CCDC144A: variants seen among roughly 807,000 people sequenced by gnomAD.
CCDC144A encodes the protein coiled-coil domain containing 144A, also known as coiled-coil domain-containing protein 144A.
Under a neutral mutation model 143.8 loss-of-function variants are expected in CCDC144A, and 41 were observed. The observed-to-expected ratio is 0.29, with a 90% CI of 0.22 to 0.37. The LOEUF is 0.37. Ranked by LOEUF, CCDC144A falls within the 10% of genes least tolerant of loss-of-function variation. The pLI is 1.00. For synonymous variants in CCDC144A, 242 were observed against 517.9 expected (o/e 0.47, Z 7.23); for missense variants, 637 against 1,488.8 (o/e 0.43, Z 9.41).
At chr17:16,704,096 G>A (rs139211360) in intron 2 of CCDC144A, among the ~76,000 whole-genome samples, 1,644 of 152,224 alleles carry the variant, frequency 0.011, 38 homozygotes, top group African/African-American at 0.038. Context: ...ACCCTTTATG[G>A]TGAAATGGAC....
At chr17:16,751,644 G>A (rs1274804206) in intron 12 of CCDC144A, among the ~76,000 whole-genome samples, 2 of 152,232 alleles carry the variant, frequency 1.3e-5, no homozygotes, top group African/African-American at 2.4e-5. Context: ...TTAGGTTGCC[G>A]AGAGACCTAC....
At chr17:16,672,181 G>A in the CCDC144A span, among the ~76,000 whole-genome samples, 1 of 152,094 alleles carries the variant, frequency 6.6e-6, no homozygotes, top group Non-Finnish European at 1.5e-5. Flanking sequence ...CAAATTGGAA[G>A]TAAAATATGT....
intron 12 of CCDC144A, among the ~76,000 whole-genome samples, chr17:16,751,867 C>T (rs71373604): frequency 1.3e-5 from 2 of 152,240 alleles, no homozygotes; most frequent in Non-Finnish European, 2.9e-5. Context: ...GCACTTAGCT[C>T]GCACTCACCC....
chr17:16,679,239 T>C, the CCDC144A span, among the ~76,000 whole-genome samples: 3 of 152,066 alleles, frequency 2.0e-5, no homozygotes, highest in Non-Finnish European at 4.4e-5. Context: ...TTTTGCAATA[T>C]AAAAATGGCC....
At chr17:16,703,327 C>T (rs1283742527) in intron 2 of CCDC144A, among the ~76,000 whole-genome samples, 1 of 151,510 alleles carries the variant, frequency 6.6e-6, no homozygotes, top group Non-Finnish European at 1.5e-5. Context: ...TTTTTGAGGT[C>T]AGTCCTTATT....
intron 11 of CCDC144A, among the ~76,000 whole-genome samples, chr17:16,734,295 C>T (rs1160980759): frequency 6.6e-6 from 1 of 152,030 alleles, no homozygotes; most frequent in Non-Finnish European, 1.5e-5. Context: ...GGAACATTTC[C>T]TCTGTCCAGA....
chr17:16,683,898 G>C, the CCDC144A span: 2 of 1,344,130 alleles, frequency 1.5e-6, no homozygotes, highest in Non-Finnish European at 2.1e-6. Flanking sequence ...GATGGCTGCT[G>C]CTCCAGTAAT....
At chr17:16,757,011 G>A (rs1442007554) in intron 12 of CCDC144A, among the ~76,000 whole-genome samples, 2 of 152,264 alleles carry the variant, frequency 1.3e-5, no homozygotes, top group African/African-American at 4.8e-5. Flanking sequence ...CACATTGATG[G>A]CATACACAAG....
chr17:16,711,135 T>TAAAAAAAAAAAAAAA (rs1912384837), intron 5 of CCDC144A, among the ~76,000 whole-genome samples: 1 of 10,088 alleles, frequency 9.9e-5, no homozygotes, highest in African/African-American at 7.2e-4. Flanking sequence ...AGGATTCAAA[T>TAAAAAAAAAAAAAAA]GAAAAAAAAA....
At chr17:16,690,077 C>T (rs1306168971), upstream of CCDC144A, 1 of 207,306 alleles carries the variant, frequency 4.8e-6, no homozygotes, top group African/African-American at 2.3e-5. Context: ...CACCTGCAGG[C>T]CAAGGAGTCT....
chr17:16,763,939 G>A (rs1173389963), intron 14 of CCDC144A, 26 bp from the exon 15 acceptor site: 4 of 1,593,004 alleles, frequency 2.5e-6, no homozygotes, highest in South Asian at 1.1e-5. Flanking sequence ...GAAATACTAA[G>A]CATTTGTCTT....
In CCDC144A at chr17:16,734,961, C is replaced by G. The variant is rs1283342141; in HGVS notation, c.2690C>G (p.Ser897Cys). ...ACAGCTGAGAACAAAATACTCAATT[C>G]TGAACTGGAGAATGGGAAACAGAAC... ...NLTAENKILNSELENGKQNQE... is the reference protein window; with the variant it reads ...NLTAENKILNCELENGKQNQE... Residue 897 changes from serine to cysteine, a missense_variant, in exon 12 of 17, where the codon TCT (serine) becomes TGT (cysteine). Coordinates refer to ENST00000399273, the MANE Select transcript of CCDC144A (RefSeq NM_001382000.1). The G allele has an allele frequency of 6.9e-6, 11 of 1,592,294 alleles. No homozygotes were observed. The highest frequency in any genetic ancestry group is 9.4e-6 in the Non-Finnish European group (11 of 1,170,138).
At position 16,748,056 on chromosome 17, in the gene CCDC144A, A is replaced by G. The variant is rs551052662; in HGVS notation, c.3372+12413A>G. On this transcript the variant is annotated intron_variant, in intron 12 of 16. Transcript: ENST00000399273. ...TCTTTTTTCTTTAATTTTTTTCTTT[A>G]CTATTTTATAGAGACAAGGTCTCAC... 2.6e-5 allele frequency among the ~76,000 whole-genome samples: 4 copies of G among 151,860 alleles called. No individual in the cohort carries two copies. The East Asian group carries it at 7.7e-4, about 29-fold the overall frequency.
intron 4 of CCDC144A, among the ~76,000 whole-genome samples, chr17:16,708,231 C>T (rs1466678695): frequency 6.6e-6 from 1 of 151,860 alleles, no homozygotes; most frequent in Non-Finnish European, 1.5e-5. Context: ...GATATATAAC[C>T]CTATGATGTT....
chr17:16,684,193 A>G, the CCDC144A span: 1 of 999,184 alleles, frequency 1.0e-6, no homozygotes, highest in South Asian at 1.3e-5. Flanking sequence ...ACTTCGTGGC[A>G]CTGGAGAGGC....
intron 16 of CCDC144A, among the ~76,000 whole-genome samples, chr17:16,772,905 T>C (rs1915878838): frequency 6.6e-6 from 1 of 152,246 alleles, no homozygotes; most frequent in African/African-American, 2.4e-5. Context: ...ATCATCTTCA[T>C]CTTGTAACTC....
At chr17:16,685,282 C>G (rs149946330), upstream of CCDC144A, among the ~76,000 whole-genome samples, 46 of 152,324 alleles carry the variant, frequency 3.0e-4, 4 homozygotes, top group East Asian at 8.9e-3. Flanking sequence ...CTGCCTTGGC[C>G]TCTCAAAGTG....
chr17:16,683,524 T>C, the CCDC144A span: 13 of 1,528,362 alleles, frequency 8.5e-6, no homozygotes, highest in Non-Finnish European at 1.2e-5. Flanking sequence ...TTCTATGCCG[T>C]GAGGAGGGGC....
chr17:16,684,470 A>G, the CCDC144A span, among the ~76,000 whole-genome samples: 1 of 152,078 alleles, frequency 6.6e-6, no homozygotes, highest in South Asian at 2.1e-4. Context: ...CCTGGCCAGT[A>G]TGGTGAAGCC....
Sources: gnomAD v4.1 joint callset for allele counts (sites outside exome capture counted in the v4.1 genomes callset) on GRCh38, gnomAD v4.1.1 for gene constraint, MANE v1.5 for transcripts, NCBI Gene and HGNC (gene_info 2026-07-23, HGNC 2026-07-21) for gene names.